The following UNC5D variants were observed in gnomAD, a reference collection of about 807,000 sequenced individuals.
The protein encoded by UNC5D is unc-5 netrin receptor D.
A neutral mutation model predicts 105.4 loss-of-function variants in UNC5D; 39 were observed. That is an observed-to-expected ratio of 0.37 (90% confidence interval 0.29 to 0.48). The LOEUF (loss-of-function observed/expected upper bound fraction) is 0.48. Ranked by LOEUF, UNC5D falls within the 20% of genes least tolerant of loss-of-function variation. The pLI is 0.98. For synonymous variants in UNC5D, 452 were observed against 450.4 expected (o/e 1.00, Z -0.04); for missense variants, 991 against 1,202.4 (o/e 0.82, Z 2.60).
chr8:35,788,117 A>ACCAGTG (rs1802833143), intron 16 of UNC5D, among the ~76,000 whole-genome samples: 1 of 152,210 alleles, frequency 6.6e-6, no homozygotes, highest in Non-Finnish European at 1.5e-5. Flanking sequence ...CTGTTTGGCA[A>ACCAGTG]CCAACTGACT....
chr8:35,361,946 T>G (rs1801877281), intron 1 of UNC5D, among the ~76,000 whole-genome samples: 1 of 152,208 alleles, frequency 6.6e-6, no homozygotes, highest in Admixed American at 6.5e-5. Context: ...TGAATTTGGT[T>G]ATTTGTCGGT....
At chr8:35,672,847 A>G (rs1291712232) in intron 4 of UNC5D, among the ~76,000 whole-genome samples, 2 of 152,202 alleles carry the variant, frequency 1.3e-5, no homozygotes, top group African/African-American at 4.8e-5. Flanking sequence ...TTTAAAAAAA[A>G]ATAGTATGAG....
At chr8:35,785,090 T>C (rs536323402) in intron 16 of UNC5D, among the ~76,000 whole-genome samples, 8 of 152,152 alleles carry the variant, frequency 5.3e-5, no homozygotes, top group Non-Finnish European at 8.8e-5. Flanking sequence ...AGGAAATTGC[T>C]TAAAATCAAC....
intron 1 of UNC5D, among the ~76,000 whole-genome samples, chr8:35,281,466 G>A (rs539342262): frequency 1.3e-5 from 2 of 149,058 alleles, no homozygotes; most frequent in African/African-American, 5.0e-5. Context: ...TTGAGATGGA[G>A]TCTCGCTCTG....
At chr8:35,538,182 G>A (rs1393044543) in intron 1 of UNC5D, among the ~76,000 whole-genome samples, 3 of 151,572 alleles carry the variant, frequency 2.0e-5, no homozygotes, top group African/African-American at 7.3e-5. Context: ...GAGGAGAATC[G>A]GCTATAAGCA....
Position 35,791,608 on chromosome 8 carries a change from T to C in UNC5D, c.*1045T>C, listed in dbSNP as rs1465385694. The C allele has an allele frequency of 6.6e-5, 10 of 152,152 alleles. No individual in the cohort carries two copies. In the South Asian group the frequency reaches 1.4e-3, roughly 22 times the overall value. 9.4% of individuals were successfully genotyped at this position (152,152 alleles called of 1,614,324 possible). A position where few individuals can be genotyped will look rare whatever the true frequency, so the allele number is the denominator to read the frequency against. The stretch of plus-strand genomic sequence containing the variant: ...ATGTGGGTACTGTGTCATCACAAAA[T>C]CTCTCAGTAAGGCTATATGTGATCC... On this transcript the variant is annotated 3_prime_UTR_variant, in exon 17 of 17. Transcript: ENST00000404895.
intron 11 of UNC5D, among the ~76,000 whole-genome samples, chr8:35,735,184 G>A (rs1211241759): frequency 6.6e-6 from 1 of 152,110 alleles, no homozygotes; most frequent in Non-Finnish European, 1.5e-5. Context: ...GAATGATACA[G>A]ATGTAGCAGG....
At chr8:35,714,502 G>C (rs1012828291) in intron 8 of UNC5D, among the ~76,000 whole-genome samples, 7 of 152,182 alleles carry the variant, frequency 4.6e-5, no homozygotes, top group Non-Finnish European at 1.0e-4. Flanking sequence ...GATGAGAACA[G>C]AGAGAGGAAA....
rs10086633 is a variant in UNC5D, at chr8:35,577,538, C to T, written c.466+9297C>T. 5.4e-3 allele frequency among the ~76,000 whole-genome samples: 822 copies of T among 152,244 alleles called. 7 individuals carry two copies. The highest frequency in any genetic ancestry group is 0.018 in the African/African-American group (753 of 41,532). The stretch of plus-strand genomic sequence containing the variant: ...AGCAAAGATTATAGCTCATGAAATA[C>T]GAATCCATGAATCTACACTGATGTT... On this transcript the variant is annotated intron_variant, in intron 3 of 16. Transcript: ENST00000404895.
intron 1 of UNC5D, among the ~76,000 whole-genome samples, chr8:35,299,862 T>C (rs544643671): frequency 2.8e-4 from 43 of 152,202 alleles, no homozygotes; most frequent in Non-Finnish European, 6.0e-4. Flanking sequence ...GGAAAGTTAC[T>C]GTGAATTGAT....
chr8:35,294,303 A>T (rs1807302474), intron 1 of UNC5D, among the ~76,000 whole-genome samples: 1 of 152,074 alleles, frequency 6.6e-6, no homozygotes, highest in African/African-American at 2.4e-5. Flanking sequence ...TCTCCTCCAG[A>T]CTAGAGCATT....
intron 4 of UNC5D, among the ~76,000 whole-genome samples, chr8:35,597,748 C>T (rs1408835136): frequency 1.3e-5 from 2 of 152,036 alleles, no homozygotes; most frequent in Non-Finnish European, 2.9e-5. Context: ...ACTGGCATAA[C>T]CTTTGCATTT....
At chr8:35,236,796 T>A (rs1278838944) in intron 1 of UNC5D, among the ~76,000 whole-genome samples, 1 of 152,170 alleles carries the variant, frequency 6.6e-6, no homozygotes, top group African/African-American at 2.4e-5. Context: ...GTACCGGAGC[T>A]TTACCTTTGA....
intron 2 of UNC5D, among the ~76,000 whole-genome samples, 169 bp downstream of exon 2, chr8:35,549,679 A>G (rs1461542726): frequency 6.6e-6 from 1 of 152,174 alleles, no homozygotes. Context: ...ATGACCCTAC[A>G]GCTGCCTTGG....
intron 1 of UNC5D, among the ~76,000 whole-genome samples, chr8:35,459,770 T>C (rs1261642098): frequency 6.6e-6 from 1 of 152,212 alleles, no homozygotes. Flanking sequence ...TATTTCAAAC[T>C]TGGGCCCTTT....
At chr8:35,533,145 T>C (rs533825086) in intron 1 of UNC5D, among the ~76,000 whole-genome samples, 1 of 152,212 alleles carries the variant, frequency 6.6e-6, no homozygotes, top group East Asian at 1.9e-4. Context: ...GTTTCCAGTT[T>C]TTCTGTTCTG....
chr8:35,434,809 A>C (rs1232865412), intron 1 of UNC5D, among the ~76,000 whole-genome samples: 1 of 152,158 alleles, frequency 6.6e-6, no homozygotes, highest in Non-Finnish European at 1.5e-5. Context: ...AAAAGCAAAC[A>C]AAAAGTGTAC....
intron 4 of UNC5D, 25 bp downstream of exon 4, chr8:35,595,682 C>T (rs1348486666): frequency 1.9e-6 from 3 of 1,607,178 alleles, no homozygotes. Context: ...TGGGACCAGT[C>T]ACCGGGAGGA....
At chr8:35,546,903 T>C (rs1815723888) in intron 1 of UNC5D, among the ~76,000 whole-genome samples, 1 of 152,206 alleles carries the variant, frequency 6.6e-6, no homozygotes, top group Non-Finnish European at 1.5e-5. Flanking sequence ...TGACATAAAC[T>C]GTTTGCCCTT....
Sources: allele counts gnomAD v4.1 joint callset (sites outside exome capture counted in the v4.1 genomes callset), GRCh38; gene constraint gnomAD v4.1.1; transcripts MANE v1.5; gene names NCBI Gene and HGNC (gene_info 2026-07-23, HGNC 2026-07-21).